The following PDGFD variants were observed in gnomAD, a reference collection of about 807,000 sequenced individuals.
PDGFD encodes platelet derived growth factor D.
A neutral mutation model predicts 44.7 loss-of-function variants in PDGFD; 30 were observed. The observed-to-expected ratio is 0.67, with a 90% CI of 0.50 to 0.91. The LOEUF (loss-of-function observed/expected upper bound fraction) is 0.91, where lower values mean the gene tolerates loss of function less well. Ranked by LOEUF, PDGFD falls within the 40% of genes least tolerant of loss-of-function variation. PDGFD has a pLI of 0.00. For synonymous variants in PDGFD, 173 were observed against 168.4 expected (o/e 1.03, Z -0.21); for missense variants, 445 against 457.8 (o/e 0.97, Z 0.25).
intron 1 of PDGFD, among the ~76,000 whole-genome samples, chr11:104,007,255 C>T (rs1859716925): frequency 6.6e-6 from 1 of 152,154 alleles, no homozygotes; most frequent in African/African-American, 2.4e-5. Flanking sequence ...TATACAATGA[C>T]TAGAGCAAGA....
At chr11:103,998,998 T>C (rs77949809) in intron 2 of PDGFD, among the ~76,000 whole-genome samples, 19,825 of 152,134 alleles carry the variant, frequency 0.13, 1,409 homozygotes, top group Middle Eastern at 0.17. Context: ...TCTTTTTTTT[T>C]GAGATGGAAA....
In PDGFD at chr11:104,164,023, G is replaced by T; in HGVS notation, c.-96C>A. 2 of 1,350,914 alleles carry T rather than the reference G, an allele frequency of 1.5e-6. No individual in the cohort carries two copies. Among genetic ancestry groups the T allele is most frequent in the Non-Finnish European group, 2.0e-6 (2 of 1,015,308 alleles). The allele number at this position is 1,350,914 out of a possible 1,614,324, so 83.7% of individuals were successfully genotyped here. A position where few individuals can be genotyped will look rare whatever the true frequency, so the allele number is the denominator to read the frequency against. ...GCCGCCCTGCGCTCTCGCCGCCTGCGCTCGCCCTGCGCTGGCCCGGGTCGC... is the reference window on the plus strand; with the variant it reads ...GCCGCCCTGCGCTCTCGCCGCCTGCTCTCGCCCTGCGCTGGCCCGGGTCGC... On this transcript the variant is annotated 5_prime_UTR_variant, in exon 1 of 7. Transcript: ENST00000393158.
intron 1 of PDGFD, among the ~76,000 whole-genome samples, chr11:104,051,179 A>G (rs1648781983): frequency 6.6e-6 from 1 of 152,222 alleles, no homozygotes; most frequent in Non-Finnish European, 1.5e-5. Flanking sequence ...TGTCAGCGAT[A>G]ACACTCAATA....
At chr11:104,156,363 GATAAAATAAA>G (rs925754392) in intron 1 of PDGFD, among the ~76,000 whole-genome samples, 11 of 151,788 alleles carry the variant, frequency 7.2e-5, no homozygotes, top group Admixed American at 2.0e-4. Context: ...TCAAAAAATA[GATAAAATAAA>G]ATAAAATAAA....
chr11:103,986,896 A>T (rs1287268093), intron 3 of PDGFD, among the ~76,000 whole-genome samples: 1 of 152,188 alleles, frequency 6.6e-6, no homozygotes, highest in Non-Finnish European at 1.5e-5. Flanking sequence ...AGTGCTTAAG[A>T]TATTTTGCAG....
chr11:104,106,481 C>T (rs1383204136), intron 1 of PDGFD, among the ~76,000 whole-genome samples: 2 of 152,146 alleles, frequency 1.3e-5, no homozygotes, highest in African/African-American at 4.8e-5. Flanking sequence ...AACACTGATC[C>T]TATGCCAAAA....
At chr11:103,997,166 T>C (rs1859545677) in intron 2 of PDGFD, among the ~76,000 whole-genome samples, 1 of 152,192 alleles carries the variant, frequency 6.6e-6, no homozygotes, top group Non-Finnish European at 1.5e-5. Context: ...TCAGTTTTGG[T>C]CATCAGTATC....
At chr11:104,021,534 CTA>C (rs1859953191) in intron 1 of PDGFD, among the ~76,000 whole-genome samples, 1 of 152,158 alleles carries the variant, frequency 6.6e-6, no homozygotes, top group African/African-American at 2.4e-5. Flanking sequence ...ACTGTTTCTA[CTA>C]GACCCGCTTA....
At chr11:104,056,956 C>T (rs1367561770) in intron 1 of PDGFD, among the ~76,000 whole-genome samples, 4 of 152,062 alleles carry the variant, frequency 2.6e-5, no homozygotes, top group South Asian at 2.1e-4. Context: ...GGTGAAACCC[C>T]GTGTCTACTA....
chr11:103,992,669 A>G (rs1400640583), intron 3 of PDGFD, among the ~76,000 whole-genome samples: 2 of 152,226 alleles, frequency 1.3e-5, no homozygotes, highest in African/African-American at 4.8e-5. Context: ...AGAAGGTTGA[A>G]TTCCACACAT....
intron 1 of PDGFD, among the ~76,000 whole-genome samples, chr11:104,076,561 G>A (rs1438304990): frequency 6.6e-6 from 1 of 152,008 alleles, no homozygotes; most frequent in Admixed American, 6.6e-5. Context: ...ATCTAACTCA[G>A]CTTTCTGAAC....
At chr11:104,108,536 A>T (rs1861501593) in intron 1 of PDGFD, among the ~76,000 whole-genome samples, 1 of 152,220 alleles carries the variant, frequency 6.6e-6, no homozygotes, top group East Asian at 1.9e-4. Context: ...GCAATCATTA[A>T]AAAGTCAGGA....
intron 1 of PDGFD, among the ~76,000 whole-genome samples, chr11:104,008,668 C>A (rs1859738611): frequency 6.6e-6 from 1 of 151,956 alleles, no homozygotes; most frequent in Non-Finnish European, 1.5e-5. Context: ...GAGATAAAAA[C>A]TGAAGATACT....
At chr11:104,099,612 A>G (rs939914710) in intron 1 of PDGFD, among the ~76,000 whole-genome samples, 2 of 149,032 alleles carry the variant, frequency 1.3e-5, no homozygotes, top group African/African-American at 4.9e-5. Flanking sequence ...AGCCTGGGCG[A>G]CAGAGTGAAA....
chr11:104,097,218 G>A (rs1267700797), intron 1 of PDGFD, among the ~76,000 whole-genome samples: 2 of 152,118 alleles, frequency 1.3e-5, no homozygotes, highest in Non-Finnish European at 2.9e-5. Flanking sequence ...AAGAATAGCA[G>A]GCCATGCACT....
chr11:104,008,464 G>A (rs1427574042), intron 1 of PDGFD, among the ~76,000 whole-genome samples: 2 of 152,094 alleles, frequency 1.3e-5, no homozygotes, highest in African/African-American at 4.8e-5. Context: ...AACACATATT[G>A]TTTGGAAAAA....
chr11:103,943,068 T>C (rs1207186617), intron 5 of PDGFD, among the ~76,000 whole-genome samples: 1 of 152,126 alleles, frequency 6.6e-6, no homozygotes, highest in African/African-American at 2.4e-5. Flanking sequence ...AGAACTTCAT[T>C]TGAAAGTGCT....
At chr11:104,145,399 T>A (rs1220700614) in intron 1 of PDGFD, among the ~76,000 whole-genome samples, 1 of 152,252 alleles carries the variant, frequency 6.6e-6, no homozygotes, top group African/African-American at 2.4e-5. Flanking sequence ...GGATTGATTA[T>A]GCCAGTTAAT....
At chr11:104,142,308 AG>A (rs1190795378) in intron 1 of PDGFD, among the ~76,000 whole-genome samples, 1 of 152,180 alleles carries the variant, frequency 6.6e-6, no homozygotes, top group Non-Finnish European at 1.5e-5. Flanking sequence ...TATTTATAAA[AG>A]TAAATATATG....
Sources: gnomAD v4.1 joint callset for allele counts (sites outside exome capture counted in the v4.1 genomes callset) on GRCh38, gnomAD v4.1.1 for gene constraint, MANE v1.5 for transcripts, NCBI Gene and HGNC (gene_info 2026-07-23, HGNC 2026-07-21) for gene names.